SKIC3: variants seen among roughly 807,000 people sequenced by gnomAD.
SKIC3 encodes superkiller complex protein 3.
chr5:95,538,120 T>C, the SKIC3 span, among the ~76,000 whole-genome samples: 1 of 152,132 alleles, frequency 6.6e-6, no homozygotes, highest in South Asian at 2.1e-4. Flanking sequence ...AATCGATTCT[T>C]AAAATCTTAA....
At chr5:95,544,603 T>G in the SKIC3 span, among the ~76,000 whole-genome samples, 1 of 152,198 alleles carries the variant, frequency 6.6e-6, no homozygotes. Flanking sequence ...ACAACAATGA[T>G]GTAACTACCA....
At chr5:95,553,256 T>C in the SKIC3 span, among the ~76,000 whole-genome samples, 1 of 152,186 alleles carries the variant, frequency 6.6e-6, no homozygotes, top group Non-Finnish European at 1.5e-5. Context: ...AAGAAAAAGA[T>C]GTATTCTTGT....
chr5:95,480,164 T>G, the SKIC3 span, among the ~76,000 whole-genome samples: 45 of 152,112 alleles, frequency 3.0e-4, no homozygotes, highest in Admixed American at 5.9e-4. Context: ...AAAAAAAACT[T>G]CATGAACCTA....
the SKIC3 span, chr5:95,482,678 T>C: frequency 6.2e-7 from 1 of 1,604,866 alleles, no homozygotes; most frequent in East Asian, 2.2e-5. Context: ...GGTTCTTAAG[T>C]GTTAAAAGTA....
chr5:95,526,393 T>C, the SKIC3 span, among the ~76,000 whole-genome samples: 1 of 152,244 alleles, frequency 6.6e-6, no homozygotes, highest in South Asian at 2.1e-4. Context: ...TATTAGTAGT[T>C]GGGTTCAGAG....
chr5:95,506,995 G>C, the SKIC3 span: 3 of 1,611,962 alleles, frequency 1.9e-6, no homozygotes, highest in South Asian at 2.2e-5. Context: ...TCTGCAGTCT[G>C]TAACAACAAA....
At chr5:95,483,964 A>T in the SKIC3 span, among the ~76,000 whole-genome samples, 1 of 152,194 alleles carries the variant, frequency 6.6e-6, no homozygotes, top group African/African-American at 2.4e-5. Context: ...AAAATATAGC[A>T]TTAAGAAGGA....
At chr5:95,538,970 A>AAGAAT in the SKIC3 span, among the ~76,000 whole-genome samples, 21 of 152,306 alleles carry the variant, frequency 1.4e-4, no homozygotes, top group African/African-American at 2.6e-4. Flanking sequence ...TGATTAAGTT[A>AAGAAT]CTGATGTATT....
the SKIC3 span, among the ~76,000 whole-genome samples, chr5:95,533,947 G>C: frequency 1.3e-5 from 2 of 152,084 alleles, no homozygotes. Context: ...AATTTTCAAA[G>C]TATTCACTGT....
chr5:95,523,892 T>A, the SKIC3 span: 26 of 1,487,588 alleles, frequency 1.7e-5, no homozygotes, highest in Non-Finnish European at 2.3e-5. Context: ...TGAGTATCTT[T>A]ACAAATACAG....
the SKIC3 span, among the ~76,000 whole-genome samples, chr5:95,479,596 A>G: frequency 1.3e-5 from 2 of 151,684 alleles, no homozygotes; most frequent in African/African-American, 4.8e-5. Context: ...TTTTATTATT[A>G]TTGTTGTTAA....
chr5:95,528,857 T>A, the SKIC3 span: 1 of 728,074 alleles, frequency 1.4e-6, no homozygotes, highest in Non-Finnish European at 2.3e-6. Context: ...AGACTTTTAT[T>A]TAAACTTATT....
chr5:95,510,212 A>G, the SKIC3 span, among the ~76,000 whole-genome samples: 8,625 of 152,338 alleles, frequency 0.057, 359 homozygotes, highest in Non-Finnish European at 0.086. Context: ...TTTCAAAATT[A>G]TAACTGAGAC....
At chr5:95,554,312 G>A in the SKIC3 span, among the ~76,000 whole-genome samples, 7 of 152,124 alleles carry the variant, frequency 4.6e-5, no homozygotes, top group Non-Finnish European at 7.3e-5. Context: ...CTAGTGTGAT[G>A]TGCAAATTAT....
chr5:95,504,080 G>T, the SKIC3 span: 7 of 374,938 alleles, frequency 1.9e-5, 1 homozygote, highest in Admixed American at 1.7e-4. Context: ...AGGCCCAGGC[G>T]GGGGGTGGGG....
chr5:95,476,033 G>A, the SKIC3 span, among the ~76,000 whole-genome samples: 1 of 152,250 alleles, frequency 6.6e-6, no homozygotes, highest in Admixed American at 6.5e-5. Context: ...TTTGTTAGGT[G>A]ATTTGGGTTG....
the SKIC3 span, among the ~76,000 whole-genome samples, chr5:95,484,306 A>C: frequency 1.3e-5 from 2 of 149,034 alleles, no homozygotes; most frequent in Non-Finnish European, 3.0e-5. Context: ...TGTCATCACC[A>C]CCACTACCTG....
At chr5:95,509,638 G>A in the SKIC3 span, 112 of 1,613,822 alleles carry the variant, frequency 6.9e-5, no homozygotes, top group Admixed American at 3.2e-4. Context: ...GTAGATGTTC[G>A]TTTAAGTAAC....
chr5:95,482,887 C>T, the SKIC3 span, among the ~76,000 whole-genome samples: 1 of 152,056 alleles, frequency 6.6e-6, no homozygotes, highest in Non-Finnish European at 1.5e-5. Context: ...ACTTAGTTTA[C>T]TCTTAAGTGA....
Sources: gnomAD v4.1 joint callset for allele counts (sites outside exome capture counted in the v4.1 genomes callset) on GRCh38, gnomAD v4.1.1 for gene constraint, MANE v1.5 for transcripts, NCBI Gene and HGNC (gene_info 2026-07-23, HGNC 2026-07-21) for gene names.